Variants in SLC31A1 observed in about 807,000 individuals in gnomAD.
The protein encoded by SLC31A1 is solute carrier family 31 member 1.
A neutral mutation model predicts 17.2 loss-of-function variants in SLC31A1; 5 were observed. The observed-to-expected ratio is 0.29, with a 90% CI of 0.15 to 0.61. SLC31A1 has a LOEUF of 0.61. SLC31A1 is among the 20% of genes least tolerant of loss of function. The pLI is 0.86. For missense variants in SLC31A1, 161 were observed against 241.4 expected (o/e 0.67, Z 2.21); for synonymous variants, 76 against 78.8 (o/e 0.96, Z 0.19).
intron 1 of SLC31A1, among the ~76,000 whole-genome samples, chr9:113,242,916 T>C (rs1210763304): frequency 6.6e-6 from 1 of 152,222 alleles, no homozygotes; most frequent in Non-Finnish European, 1.5e-5. Flanking sequence ...GAGTTTTGTT[T>C]ACAGTCTCTC....
chr9:113,255,128 A>G (rs576132962), intron 1 of SLC31A1, among the ~76,000 whole-genome samples: 2 of 152,334 alleles, frequency 1.3e-5, no homozygotes, highest in East Asian at 3.9e-4. Context: ...GCCTAGGGCC[A>G]TAGTAGACCT....
At chr9:113,226,995 A>C (rs1226432502) in intron 1 of SLC31A1, among the ~76,000 whole-genome samples, 1 of 152,124 alleles carries the variant, frequency 6.6e-6, no homozygotes, top group African/African-American at 2.4e-5. Context: ...ATTTTACATT[A>C]TTTTTAAATT....
At chr9:113,226,065 G>A (rs867352972) in intron 1 of SLC31A1, among the ~76,000 whole-genome samples, 28 of 152,030 alleles carry the variant, frequency 1.8e-4, no homozygotes, top group African/African-American at 6.5e-4. Context: ...GCTCCGGAGA[G>A]GCGGAGGTTG....
Position 113,258,938 on chromosome 9 carries a change from G to A in SLC31A1, c.371+76G>A, listed in dbSNP as rs574149085. 50 of 1,448,994 alleles carry A rather than the reference G, an allele frequency of 3.5e-5. No individual in the cohort carries two copies. In the African/African-American group the frequency reaches 6.6e-4, roughly 19 times the overall value. 89.8% of individuals were successfully genotyped at this position (1,448,994 alleles called of 1,614,324 possible). A position where few individuals can be genotyped will look rare whatever the true frequency, so the allele number is the denominator to read the frequency against. ...GCAGCAAAGCGCAGCTGTGTGATCA[G>A]CAGCAGCCCTCTTCTTGAGTTAGGA... On this transcript the variant is annotated intron_variant, in intron 4 of 4. Coordinates refer to ENST00000374212, the MANE Select transcript of SLC31A1 (RefSeq NM_001859.4). This position sits in a 1 kb window ranked among gnomAD's most constrained non-coding sequence, Gnocchi z 4.8.
chr9:113,248,759 A>T lies in SLC31A1; in HGVS notation c.-35-7355A>T, dbSNP rs193294453. ...CTCCCAAAGTGCTGGGATTATAGGC[A>T]TGAGCCACTGTGCGCAGGCTTGAAA... On this transcript the variant is annotated intron_variant, in intron 1 of 4. Coordinates refer to ENST00000374212, the MANE Select transcript of SLC31A1 (RefSeq NM_001859.4). 6.3e-3 allele frequency among the ~76,000 whole-genome samples: 961 copies of T among 152,184 alleles called. 12 individuals are homozygous for T. The highest frequency in any genetic ancestry group is 0.022 in the African/African-American group (909 of 41,524).
chr9:113,235,554 A>G (rs796552393), intron 1 of SLC31A1, among the ~76,000 whole-genome samples: 2 of 152,356 alleles, frequency 1.3e-5, no homozygotes, highest in African/African-American at 4.8e-5. Flanking sequence ...CAGACACAAT[A>G]GTACATTCTT....
intron 1 of SLC31A1, among the ~76,000 whole-genome samples, chr9:113,239,439 A>G (rs1831498146): frequency 6.6e-6 from 1 of 152,220 alleles, no homozygotes; most frequent in South Asian, 2.1e-4. Context: ...AGCTGTAGCC[A>G]TAAGGATTTA....
Position 113,258,339 on chromosome 9 carries a change from A to C in SLC31A1, c.203-355A>C, listed in dbSNP as rs535408355. ...ATTGAAATGCCTATTCAGGAAATGT[A>C]GTCAGCCACTGATGAAACTAAATTG... On this transcript the variant is annotated intron_variant, in intron 3 of 4. Coordinates refer to ENST00000374212, the MANE Select transcript of SLC31A1 (RefSeq NM_001859.4). This position sits in a 1 kb window ranked among gnomAD's most constrained non-coding sequence, Gnocchi z 4.8. 3.0e-4 allele frequency among the ~76,000 whole-genome samples: 45 copies of C among 152,358 alleles called. No individual in the cohort carries two copies. Among genetic ancestry groups the C allele is most frequent in the African/African-American group, 7.9e-4 (33 of 41,580 alleles).
At chr9:113,248,552 A>G (rs969126023) in intron 1 of SLC31A1, among the ~76,000 whole-genome samples, 5 of 145,124 alleles carry the variant, frequency 3.4e-5, no homozygotes, top group Admixed American at 2.9e-4. Context: ...TCACTGCAAC[A>G]TGGCCTCCCA....
At chr9:113,245,354 C>T (rs1831565007) in intron 1 of SLC31A1, among the ~76,000 whole-genome samples, 1 of 152,036 alleles carries the variant, frequency 6.6e-6, no homozygotes, top group African/African-American at 2.4e-5. Flanking sequence ...TCCCAAAGTG[C>T]TGGGATTACA....
chr9:113,237,350 A>G, intron 1 of SLC31A1, among the ~76,000 whole-genome samples: 1 of 152,330 alleles, frequency 6.6e-6, no homozygotes, highest in Admixed American at 6.5e-5. Context: ...TTGTCAGAGC[A>G]CTAGGATAGC....
At chr9:113,228,110 T>C (rs1027257083) in intron 1 of SLC31A1, among the ~76,000 whole-genome samples, 2 of 152,216 alleles carry the variant, frequency 1.3e-5, no homozygotes, top group African/African-American at 4.8e-5. Flanking sequence ...TTTGCAAATT[T>C]TGGTGATTTG....
At position 113,262,729 on chromosome 9, in the gene SLC31A1, T is replaced by C. The variant is rs1831807366; in HGVS notation, c.*2256T>C. Reference sequence around the variant, plus strand: ...GACGAAGTCCAACACAAAGGTATAATACAGCCTGTTGTCTAAAGCCAAGGA... The same window carrying C: ...GACGAAGTCCAACACAAAGGTATAACACAGCCTGTTGTCTAAAGCCAAGGA... On this transcript the variant is annotated 3_prime_UTR_variant, in exon 5 of 5. Coordinates refer to ENST00000374212, the MANE Select transcript of SLC31A1 (RefSeq NM_001859.4). The C allele has an allele frequency of 1.3e-5, 2 of 152,630 alleles. No homozygotes were observed. Among genetic ancestry groups the C allele is most frequent in the African/African-American group, 4.8e-5 (2 of 41,452 alleles). The allele number at this position is 152,630 out of a possible 1,614,324, so 9.5% of individuals were successfully genotyped here.
At chr9:113,257,075 C>T (rs765392624) in intron 2 of SLC31A1, 38 bp from the exon 3 acceptor site, 2 of 1,537,748 alleles carry the variant, frequency 1.3e-6, no homozygotes, top group Admixed American at 3.3e-5. Flanking sequence ...TTAGAATTTT[C>T]ATTCATCTCT....
chr9:113,246,108 T>C (rs1831574723), intron 1 of SLC31A1, among the ~76,000 whole-genome samples: 1 of 152,116 alleles, frequency 6.6e-6, no homozygotes, highest in Admixed American at 6.5e-5. Context: ...TGGAGTGCAG[T>C]GGTGCAATCA....
rs1237977896 is a variant in SLC31A1, at chr9:113,261,899, A to G, written c.*1426A>G. 1.3e-5 allele frequency: 2 copies of G among 152,786 alleles called. No homozygotes were observed. The highest frequency in any genetic ancestry group is 2.1e-4 in the South Asian group (1 of 4,824). 9.5% of individuals were successfully genotyped at this position (152,786 alleles called of 1,614,324 possible). ...TGTGTCTGGACTTAACTCACGTAGT[A>G]AATACTGCTGATCAATACCTAATCA... On this transcript the variant is annotated 3_prime_UTR_variant, in exon 5 of 5. Transcript: ENST00000374212.
At chr9:113,256,439 GT>G in intron 2 of SLC31A1, 162 bp downstream of exon 2, 1 of 724,408 alleles carries the variant, frequency 1.4e-6, no homozygotes, top group Non-Finnish European at 2.2e-6. Flanking sequence ...TCCAGATTAT[GT>G]GGCAAGCTAC....
chr9:113,239,668 C>G (rs1831499854), intron 1 of SLC31A1, among the ~76,000 whole-genome samples: 1 of 152,214 alleles, frequency 6.6e-6, no homozygotes, highest in South Asian at 2.1e-4. Flanking sequence ...ACTGCAACCT[C>G]TGCCTCCTGG....
Position 113,241,753 on chromosome 9 carries a change from C to T in SLC31A1, c.-35-14361C>T, listed in dbSNP as rs12686377. On this transcript the variant is annotated intron_variant, in intron 1 of 4. Coordinates refer to ENST00000374212, the MANE Select transcript of SLC31A1 (RefSeq NM_001859.4). ...CATCCAAGAGGGGCTCATTAAGCAT[C>T]TGCAGTTGATAAAGATGAGAAGGAA... Among the ~76,000 whole-genome samples the T allele has an allele frequency of 1.4e-3, 209 of 152,196 alleles. 2 individuals are homozygous for T. In the East Asian group the frequency reaches 0.036, roughly 26 times the overall value.
Sources: allele counts gnomAD v4.1 joint callset (sites outside exome capture counted in the v4.1 genomes callset), GRCh38; gene constraint gnomAD v4.1.1; non-coding constraint Gnocchi (gnomAD v3.1); transcripts MANE v1.5; gene names NCBI Gene and HGNC (gene_info 2026-07-23, HGNC 2026-07-21).